RUFY4: variants seen among roughly 807,000 people sequenced by gnomAD.
RUFY4 encodes RUN and FYVE domain-containing protein 4.
RUFY4 carries 73 observed loss-of-function variants against 69.0 expected under a neutral mutation model. The ratio of observed to expected loss-of-function variants is 1.06; its 90% CI spans 0.88 to 1.29. RUFY4 has a LOEUF of 1.29. RUFY4 is among the 50% of genes most tolerant of loss of function. The pLI is 0.00. For synonymous variants in RUFY4, 287 were observed against 271.8 expected (o/e 1.06, Z -0.55); for missense variants, 770 against 705.6 (o/e 1.09, Z -1.03).
chr2:218,064,219 T>A (rs1689267777), intron 3 of RUFY4, among the ~76,000 whole-genome samples: 1 of 151,960 alleles, frequency 6.6e-6, no homozygotes, highest in South Asian at 2.1e-4. Flanking sequence ...CCAGAAGGGC[T>A]CAAGGCCAGG....
chr2:218,089,778 C>A lies in RUFY4; in HGVS notation c.1614-174C>A, dbSNP rs747124816. ...GCTCTGGAGGGGTCGGGCATCAGGA[C>A]ACCCTTCAGGAGAGGGGAGACCTCC... On this transcript the variant is annotated intron_variant, in intron 10 of 10. Coordinates refer to ENST00000344321, the Ensembl canonical transcript of RUFY4. 48 of 710,334 alleles carry A rather than the reference C, an allele frequency of 6.8e-5. No homozygotes were observed. In the East Asian group the frequency reaches 7.5e-4, roughly 11 times the overall value. 44.0% of individuals were successfully genotyped at this position (710,334 alleles called of 1,614,324 possible).
chr2:218,079,588 T>C (rs1689714026), intron 8 of RUFY4, among the ~76,000 whole-genome samples: 1 of 152,092 alleles, frequency 6.6e-6, no homozygotes, highest in East Asian at 1.9e-4. Context: ...AAGTGTGCGC[T>C]GGGAGATCGA....
At chr2:218,052,722 C>A (rs1688972727) in intron 2 of RUFY4, among the ~76,000 whole-genome samples, 2 of 150,084 alleles carry the variant, frequency 1.3e-5, no homozygotes, top group Non-Finnish European at 3.0e-5. Context: ...ATAGCAAGAC[C>A]TCTATCTCAC....
Position 218,072,787 on chromosome 2 carries a change from C to A in RUFY4, c.288C>A (p.Thr96=), listed in dbSNP as rs1158343803. 6.5e-6 allele frequency: 10 copies of A among 1,527,596 alleles called. No homozygotes were observed. The South Asian group carries it at 1.2e-4, about 19-fold the overall frequency. The allele number at this position is 1,527,596 out of a possible 1,614,324, so 94.6% of individuals were successfully genotyped here. ...CCCTGTGCACTCTGCAGTTGAAGACCCCTCTGGGGAAAGGCCGTGCCTTCA... is the reference window on the plus strand; with the variant it reads ...CCCTGTGCACTCTGCAGTTGAAGACACCTCTGGGGAAAGGCCGTGCCTTCA... Residue 96 remains threonine (T), a synonymous_variant, in exon 4 of 11, where the codon ACC becomes ACA. Transcript: ENST00000344321.
At chr2:218,044,742 A>G (rs1362400872) in intron 2 of RUFY4, among the ~76,000 whole-genome samples, 1 of 152,056 alleles carries the variant, frequency 6.6e-6, no homozygotes, top group Non-Finnish European at 1.5e-5. Flanking sequence ...TAGCCTCCAG[A>G]TATCCATTTT....
chr2:218,083,825 C>G (rs190094029), intron 9 of RUFY4, among the ~76,000 whole-genome samples: 173 of 151,700 alleles, frequency 1.1e-3, no homozygotes, highest in Admixed American at 2.0e-3. Context: ...TAATGCACAC[C>G]CCCACCCAGA....
At chr2:218,043,937 G>C (rs535492723) in intron 2 of RUFY4, among the ~76,000 whole-genome samples, 15 of 152,264 alleles carry the variant, frequency 9.9e-5, no homozygotes, top group Admixed American at 2.0e-4. Flanking sequence ...AGGGGGCTGA[G>C]GAGGCAGGGG....
At chr2:218,061,587 A>G (rs1689194335) in intron 3 of RUFY4, among the ~76,000 whole-genome samples, 1 of 152,210 alleles carries the variant, frequency 6.6e-6, no homozygotes, top group Admixed American at 6.5e-5. Context: ...AGGTAGTCTA[A>G]AGTTTTGAGG....
chr2:218,076,501 G>A, exon 8 of RUFY4: 3 of 1,551,038 alleles, frequency 1.9e-6, no homozygotes, highest in Non-Finnish European at 1.7e-6. Context: ...AGCAGGAGGG[G>A]GAGCTGCAGG....
chr2:218,041,020 T>TACCA (rs1195258612), intron 2 of RUFY4, among the ~76,000 whole-genome samples: 6 of 139,708 alleles, frequency 4.3e-5, no homozygotes, highest in African/African-American at 1.9e-4. Flanking sequence ...CTAGAGATGG[T>TACCA]TCTCTAGAGA....
rs766460092 is a variant in RUFY4, at chr2:218,073,856, C to A, written c.571C>A (p.Pro191Thr). 6.2e-6 allele frequency: 10 copies of A among 1,613,940 alleles called. No individual in the cohort carries two copies. The East Asian group carries it at 1.6e-4, about 25-fold the overall frequency. The change falls in exon 6 of 11, where the codon CCC becomes ACC. Residue 191 changes from proline to threonine, a missense_variant. Physicochemically the swap from Pro to Thr is conservative, Grantham distance 38. Coordinates refer to ENST00000344321, the Ensembl canonical transcript of RUFY4. ...TTCCACCCAAACCCAGGGAAGGAGA[C>A]CCAGAAAAAACAAAGATGCCCCAAA...
At position 218,070,771 on chromosome 2, in the gene RUFY4, T is replaced by C. The variant is rs1488696537; in HGVS notation, c.65T>C (p.Leu22Pro). The C allele has an allele frequency of 1.3e-6, 2 of 1,537,124 alleles. No homozygotes were observed. Among genetic ancestry groups the C allele is most frequent in the East Asian group, 2.4e-5 (1 of 41,038 alleles). ...CCAGCAGCTGCCGTCTCTGCCATCC[T>C]CCAGGGCTATGGGGATGGGCAGGGG... The change falls in exon 2 of 11, where the codon CTC (leucine) becomes CCC (proline). Residue 22 changes from leucine to proline, a missense_variant. Leu to Pro is a moderately conservative substitution (Grantham distance 98, BLOSUM62 -3). Coordinates refer to ENST00000344321, the Ensembl canonical transcript of RUFY4.
At chr2:218,071,897 C>G (rs1689496901) in intron 2 of RUFY4, among the ~76,000 whole-genome samples, 1 of 152,150 alleles carries the variant, frequency 6.6e-6, no homozygotes. Flanking sequence ...ATCCCTGGGG[C>G]TGTGCTTTAC....
At chr2:218,045,047 T>C (rs1454917927) in intron 2 of RUFY4, among the ~76,000 whole-genome samples, 1 of 152,206 alleles carries the variant, frequency 6.6e-6, no homozygotes, top group Non-Finnish European at 1.5e-5. Context: ...GTTGAACTAA[T>C]TTACACTCCC....
At chr2:218,086,800 TC>T (rs1444186176) in intron 9 of RUFY4, among the ~76,000 whole-genome samples, 1 of 152,020 alleles carries the variant, frequency 6.6e-6, no homozygotes, top group Non-Finnish European at 1.5e-5. Flanking sequence ...TGGGCAGCAA[TC>T]CCAGGGAGCA....
chr2:218,064,988 A>T (rs1210496617), upstream of RUFY4, among the ~76,000 whole-genome samples: 1 of 152,122 alleles, frequency 6.6e-6, no homozygotes, highest in Non-Finnish European at 1.5e-5. Context: ...AGCCTAAAAC[A>T]TCTGGGCAGG....
At chr2:218,037,938 A>G (rs1959003141) in intron 2 of RUFY4, among the ~76,000 whole-genome samples, 2 of 152,172 alleles carry the variant, frequency 1.3e-5, no homozygotes, top group Non-Finnish European at 2.9e-5. Flanking sequence ...TTAAAAGAAA[A>G]AAACAGTTTC....
At chr2:218,069,180 G>C (rs1689420030), upstream of RUFY4, 1 of 152,622 alleles carries the variant, frequency 6.6e-6, no homozygotes, top group African/African-American at 2.4e-5. Context: ...AGCGTCTGCG[G>C]TTCCCCCACC....
chr2:218,035,130 C>T (rs887355303), exon 1 of RUFY4: 10 of 152,530 alleles, frequency 6.6e-5, no homozygotes, highest in African/African-American at 1.9e-4. Flanking sequence ...TCACTAGGGA[C>T]GGACTCTGGC....
Sources: allele counts gnomAD v4.1 joint callset (sites outside exome capture counted in the v4.1 genomes callset), GRCh38; gene constraint gnomAD v4.1.1; transcripts MANE v1.5; gene names NCBI Gene and HGNC (gene_info 2026-07-23, HGNC 2026-07-21).